Variants in SCFD2 observed in about 807,000 individuals in gnomAD.
SCFD2 encodes the protein sec1 family domain-containing protein 2.
SCFD2 carries 54 observed loss-of-function variants against 58.9 expected under a neutral mutation model. That is an observed-to-expected ratio of 0.92 (90% CI 0.74 to 1.15). The LOEUF is 1.15. Ranked by LOEUF, SCFD2 falls within the 50% of genes most tolerant of loss-of-function variation. The pLI, the probability that SCFD2 is intolerant of heterozygous loss-of-function variation, is 0.00. For missense variants in SCFD2, 805 were observed against 836.6 expected (o/e 0.96, Z 0.47); for synonymous variants, 321 against 335.9 (o/e 0.96, Z 0.49).
intron 4 of SCFD2, among the ~76,000 whole-genome samples, chr4:53,180,031 G>A (rs1432529028): frequency 5.9e-5 from 9 of 152,142 alleles, no homozygotes; most frequent in African/African-American, 2.4e-5. Flanking sequence ...AAGAGACTTA[G>A]ACTCCCACAC....
chr4:53,174,667 A>G (rs1340304129), intron 4 of SCFD2, among the ~76,000 whole-genome samples: 1 of 152,190 alleles, frequency 6.6e-6, no homozygotes, highest in Non-Finnish European at 1.5e-5. Context: ...ACAGGGAAGA[A>G]TGGAAAGAGA....
chr4:53,335,419 T>C (rs890028137), intron 2 of SCFD2, among the ~76,000 whole-genome samples: 8 of 152,152 alleles, frequency 5.3e-5, no homozygotes, highest in African/African-American at 1.7e-4. Flanking sequence ...GAATGACAAG[T>C]GAATGCAGCG....
At chr4:52,878,332 G>T (rs1718529375) in intron 8 of SCFD2, among the ~76,000 whole-genome samples, 1 of 152,204 alleles carries the variant, frequency 6.6e-6, no homozygotes, top group Non-Finnish European at 1.5e-5. Flanking sequence ...TCTAGTAGAA[G>T]ATGCTCAGAC....
intron 4 of SCFD2, among the ~76,000 whole-genome samples, chr4:53,199,897 A>G (rs1728174158): frequency 6.6e-6 from 1 of 151,988 alleles, no homozygotes; most frequent in Non-Finnish European, 1.5e-5. Flanking sequence ...GGCTTTTTTC[A>G]TGTGTATTCA....
At chr4:53,250,698 A>G (rs1392729458) in intron 4 of SCFD2, among the ~76,000 whole-genome samples, 1 of 152,264 alleles carries the variant, frequency 6.6e-6, no homozygotes, top group Non-Finnish European at 1.5e-5. Flanking sequence ...GAAACCAACG[A>G]CAACAAAGAC....
chr4:52,920,916 T>A, intron 5 of SCFD2, 46 bp from the exon 6 acceptor site: 4 of 1,367,212 alleles, frequency 2.9e-6, no homozygotes, highest in Non-Finnish European at 4.0e-6. Context: ...AATCTTTAAG[T>A]TTTCATCATG....
intron 4 of SCFD2, among the ~76,000 whole-genome samples, chr4:53,245,046 G>C (rs1230365078): frequency 6.6e-6 from 1 of 151,856 alleles, no homozygotes; most frequent in African/African-American, 2.4e-5. Context: ...ACCCTCCCAA[G>C]AATCAACCAG....
At chr4:53,037,611 A>G (rs1374511262) in intron 5 of SCFD2, among the ~76,000 whole-genome samples, 1 of 152,178 alleles carries the variant, frequency 6.6e-6, no homozygotes, top group Non-Finnish European at 1.5e-5. Context: ...TGTGTTGCCA[A>G]TCAGTAACTG....
chr4:53,330,030 A>T (rs1347738375), intron 2 of SCFD2, among the ~76,000 whole-genome samples: 3 of 151,556 alleles, frequency 2.0e-5, no homozygotes, highest in Admixed American at 6.6e-5. Context: ...TGAAGCGAGA[A>T]GGGAAGTTTA....
At chr4:53,276,156 ACT>A (rs1226525180) in intron 3 of SCFD2, among the ~76,000 whole-genome samples, 2 of 151,368 alleles carry the variant, frequency 1.3e-5, no homozygotes, top group East Asian at 1.9e-4. Context: ...TTATTTTATC[ACT>A]CTTATCAAAC....
chr4:53,031,205 C>T (rs1164077979), intron 5 of SCFD2, among the ~76,000 whole-genome samples: 4 of 152,118 alleles, frequency 2.6e-5, no homozygotes, highest in African/African-American at 9.7e-5. Context: ...AGAAGGGAAA[C>T]TAACAAGCAG....
intron 5 of SCFD2, among the ~76,000 whole-genome samples, chr4:53,024,272 G>T (rs1722418309): frequency 6.6e-6 from 1 of 152,134 alleles, no homozygotes; most frequent in Admixed American, 6.5e-5. Flanking sequence ...GTGGTGGCTG[G>T]CTCAATCTTT....
chr4:53,018,301 C>A (rs1663712244), intron 5 of SCFD2, among the ~76,000 whole-genome samples: 1 of 152,130 alleles, frequency 6.6e-6, no homozygotes, highest in Admixed American at 6.5e-5. Context: ...TATCATAAAT[C>A]TATTATTCAC....
At chr4:53,046,771 A>T (rs1723051682) in intron 5 of SCFD2, among the ~76,000 whole-genome samples, 1 of 151,896 alleles carries the variant, frequency 6.6e-6, no homozygotes, top group South Asian at 2.1e-4. Flanking sequence ...AGGTTCAAGC[A>T]ATTCTCCTGC....
At chr4:53,033,836 A>G (rs1284333404) in intron 5 of SCFD2, among the ~76,000 whole-genome samples, 1 of 152,154 alleles carries the variant, frequency 6.6e-6, no homozygotes, top group African/African-American at 2.4e-5. Flanking sequence ...CACCCAACCA[A>G]AAAAAGTCCA....
At chr4:52,983,297 A>C (rs756327505) in intron 5 of SCFD2, among the ~76,000 whole-genome samples, 3 of 152,244 alleles carry the variant, frequency 2.0e-5, no homozygotes, top group Non-Finnish European at 4.4e-5. Flanking sequence ...GGATACAACT[A>C]AACATCACAG....
chr4:53,149,568 T>G (rs1191455833), intron 4 of SCFD2, among the ~76,000 whole-genome samples: 1 of 152,194 alleles, frequency 6.6e-6, no homozygotes, highest in African/African-American at 2.4e-5. Flanking sequence ...AGGTAGCACT[T>G]AATTCTCCCT....
At chr4:53,125,580 T>C (rs1360768877) in intron 5 of SCFD2, among the ~76,000 whole-genome samples, 10 of 152,242 alleles carry the variant, frequency 6.6e-5, no homozygotes, top group Admixed American at 2.6e-4. Context: ...CCTCAGAAGA[T>C]GGGACACACG....
chr4:53,151,213 A>G (rs1376350823), intron 4 of SCFD2, among the ~76,000 whole-genome samples: 1 of 152,242 alleles, frequency 6.6e-6, no homozygotes, highest in Non-Finnish European at 1.5e-5. Flanking sequence ...CAATATAAAC[A>G]TTATTAAACA....
Sources: gnomAD v4.1 joint callset for allele counts (sites outside exome capture counted in the v4.1 genomes callset) on GRCh38, gnomAD v4.1.1 for gene constraint, MANE v1.5 for transcripts, NCBI Gene and HGNC (gene_info 2026-07-23, HGNC 2026-07-21) for gene names.